Variants in MALT1 observed in about 807,000 individuals in gnomAD.
The protein encoded by MALT1 is mucosa-associated lymphoid tissue lymphoma translocation protein 1.
MALT1 carries 36 observed loss-of-function variants against 85.5 expected under a neutral mutation model. The observed-to-expected ratio is 0.42, with a 90% CI of 0.32 to 0.56. MALT1 has a LOEUF of 0.56. Among genes scored for constraint, MALT1 ranks in the 20% least tolerant of loss-of-function variants. MALT1 has a pLI of 0.10. For missense variants in MALT1, 716 were observed against 981.6 expected, an observed-to-expected ratio of 0.73 and a Z score of 3.62; for synonymous variants, 359 against 361.3, an observed-to-expected ratio of 0.99 and a Z score of 0.07.
At chr18:58,702,619 T>C (rs1371156925) in intron 4 of MALT1, among the ~76,000 whole-genome samples, 1 of 152,218 alleles carries the variant, frequency 6.6e-6, no homozygotes, top group Non-Finnish European at 1.5e-5. Context: ...GAGAAAAAAC[T>C]CTCATATAGT....
In MALT1 at chr18:58,747,930, A is replaced by C; in HGVS notation, c.*88A>C. 1 of 991,644 alleles carries C rather than the reference A, an allele frequency of 1.0e-6. No homozygotes were observed. Among genetic ancestry groups the C allele is most frequent in the South Asian group, 1.5e-5 (1 of 65,022 alleles). The allele number at this position is 991,644 out of a possible 1,614,324, so 61.4% of individuals were successfully genotyped here. On this transcript the variant is annotated 3_prime_UTR_variant, in exon 17 of 17. Transcript: ENST00000649217. The stretch of plus-strand genomic sequence containing the variant: ...AAAGTGAGACATTGTGAAAAGGCAA[A>C]TTTGTATATGTAGAGAAAGAATAGT...
intron 2 of MALT1, among the ~76,000 whole-genome samples, chr18:58,687,141 G>A (rs577989285): frequency 6.6e-6 from 1 of 152,268 alleles, no homozygotes; most frequent in African/African-American, 2.4e-5. Flanking sequence ...ATTTGTAAGG[G>A]ACTTTTCTTA....
intron 11 of MALT1, 95 bp from the exon 12 acceptor site, chr18:58,734,212 A>G: frequency 9.0e-7 from 1 of 1,113,784 alleles, no homozygotes; most frequent in Non-Finnish European, 1.3e-6. Context: ...ATGTATTCTA[A>G]AAAACTGTTG....
rs1488930224 is a variant in MALT1 at position 58,752,445 on chromosome 18, T to A, written c.*4603T>A. On this transcript the variant is annotated 3_prime_UTR_variant, in exon 17 of 17. Coordinates refer to ENST00000649217, the MANE Select transcript of MALT1 (RefSeq NM_006785.4). ...TTACACATTACTTTTGTGCATTTCA[T>A]CCTGTTTCTCAGTTTGACATTGTCA... 2.0e-5 allele frequency: 3 copies of A among 152,182 alleles called. No individual in the cohort carries two copies. The highest frequency in any genetic ancestry group is 7.2e-5 in the African/African-American group (3 of 41,432). 9.4% of individuals were successfully genotyped at this position (152,182 alleles called of 1,614,324 possible).
At chr18:58,700,637 T>A in intron 4 of MALT1, 46 bp downstream of exon 4, 1 of 1,470,966 alleles carries the variant, frequency 6.8e-7, no homozygotes, top group Non-Finnish European at 9.0e-7. Context: ...ATTCCCCATA[T>A]TTTATTTTAT....
At chr18:58,718,233 TTCTC>T (rs2054930966) in intron 9 of MALT1, among the ~76,000 whole-genome samples, 1 of 152,210 alleles carries the variant, frequency 6.6e-6, no homozygotes, top group South Asian at 2.1e-4. Context: ...CAGGTATTCT[TTCTC>T]AAACATGTCC....
intron 10 of MALT1, among the ~76,000 whole-genome samples, chr18:58,731,514 T>A (rs2055148860): frequency 6.6e-6 from 1 of 152,250 alleles, no homozygotes; most frequent in African/African-American, 2.4e-5. Context: ...GCTAGGCTAG[T>A]CTCTTTTCTG....
chr18:58,690,933 G>A, intron 2 of MALT1: 1 of 250,464 alleles, frequency 4.0e-6, no homozygotes, highest in South Asian at 5.4e-5. Context: ...GAGGCCTGCT[G>A]TCTGGTCATT....
At chr18:58,719,970 CAT>C (rs1253884583) in intron 9 of MALT1, among the ~76,000 whole-genome samples, 2 of 152,184 alleles carry the variant, frequency 1.3e-5, no homozygotes, top group African/African-American at 2.4e-5. Context: ...AGAAAAGTAA[CAT>C]AATAATCAGA....
rs775020829 is a variant in MALT1, at chr18:58,715,957, C to T, written c.1008C>T (p.Asp336=). 1.6e-5 allele frequency: 25 copies of T among 1,604,284 alleles called. No homozygotes were observed. The highest frequency in any genetic ancestry group is 2.0e-5 in the Non-Finnish European group (24 of 1,175,162). Residue 336 remains aspartate (D), a synonymous_variant, in exon 9 of 17, where the codon GAC becomes GAT. Transcript: ENST00000649217. The part of the protein sequence containing the change: ...GHPDNKEQTT[D]QPLAKDKVAL... ...TAGATAATAAAGAGCAAACAACTGA[C>T]CAGCCTTTGGGTGAGTAGAACTTTA...
chr18:58,713,167 T>TGGGG (rs2054854671), intron 7 of MALT1, among the ~76,000 whole-genome samples: 1 of 152,134 alleles, frequency 6.6e-6, no homozygotes, highest in South Asian at 2.1e-4. Context: ...ATGTAACATA[T>TGGGG]AAGAATAAAG....
intron 2 of MALT1, among the ~76,000 whole-genome samples, chr18:58,684,948 A>G (rs2054379265): frequency 6.6e-6 from 1 of 152,188 alleles, no homozygotes; most frequent in Non-Finnish European, 1.5e-5. Flanking sequence ...TGTGCTAGGC[A>G]TTATGCTAGG....
rs141163988 is a variant in MALT1 at position 58,742,059 on chromosome 18, G to A, written c.1753+45G>A. The A allele has an allele frequency of 8.2e-4, 1,123 of 1,376,228 alleles. 10 individuals are homozygous for A. The African/African-American group carries it at 0.014, about 17-fold the overall frequency. The allele number at this position is 1,376,228 out of a possible 1,614,324, so 85.3% of individuals were successfully genotyped here. A position where few individuals can be genotyped will look rare whatever the true frequency, so the allele number is the denominator to read the frequency against. On this transcript the variant is annotated intron_variant, in intron 14 of 16. Coordinates refer to ENST00000649217, the MANE Select transcript of MALT1 (RefSeq NM_006785.4). ...TTGTTAGATCTACAATATACTTAAC[G>A]TTAAATCATAAAGTTTCTTCTGAAT...
Position 58,741,871 on chromosome 18 carries a change from G to A in MALT1, c.1610G>A (p.Gly537Asp). 1 of 1,504,264 alleles carries A rather than the reference G, an allele frequency of 6.6e-7. No individual in the cohort carries two copies. The allele number at this position is 1,504,264 out of a possible 1,614,324, so 93.2% of individuals were successfully genotyped here. ...TTATTTTCATATCTTTTAGATATGG[G>A]TAAGTGTCACCTTACCAAAGGCAAA... ...VLLDEVAEDM[G>D]KCHLTKGKQA... Residue 537 changes from glycine (G) to aspartate (D), a missense_variant, in exon 14 of 17, where the codon GGT becomes GAT. By Grantham distance (94) the Gly-to-Asp change is moderately conservative. Transcript: ENST00000649217.
rs771240362 is a variant in MALT1 at position 58,747,470 on chromosome 18, C to A, written c.2103C>A (p.Asp701Glu). Residue 701 changes from aspartate (D) to glutamate (E), a missense_variant, in exon 17 of 17, where the codon GAC becomes GAA. Around this residue, in one of 4 missense-constraint regions of MALT1, gnomAD observed 260 missense variants for 323.7 expected, o/e 0.80. Coordinates refer to ENST00000649217, the MANE Select transcript of MALT1 (RefSeq NM_006785.4). Reference sequence around the variant, plus strand: ...CAGGATTGGAAGATACTGTAGAGGACAAGCAGGAAGTGAATGTTGGGAAAC... The same window carrying A: ...CAGGATTGGAAGATACTGTAGAGGAAAAGCAGGAAGTGAATGTTGGGAAAC... ...QYSGLEDTVEDKQEVNVGKPL... is the reference protein window; with the variant it reads ...QYSGLEDTVEEKQEVNVGKPL... 2 of 1,613,812 alleles carry A rather than the reference C, an allele frequency of 1.2e-6. No homozygotes were observed. Among genetic ancestry groups the A allele is most frequent in the Admixed American group, 3.3e-5 (2 of 60,020 alleles).
intron 10 of MALT1, among the ~76,000 whole-genome samples, chr18:58,723,826 G>A (rs1233924243): frequency 6.6e-6 from 1 of 152,102 alleles, no homozygotes; most frequent in Admixed American, 6.6e-5. Flanking sequence ...AATATTTAAT[G>A]TTTTTTCCCC....
In MALT1 at chr18:58,709,392, G is replaced by A. The variant is rs756127486; in HGVS notation, c.664G>A (p.Val222Ile). 4.1e-5 allele frequency: 65 copies of A among 1,583,156 alleles called. No individual in the cohort carries two copies. In the Admixed American group the frequency reaches 1.1e-3, roughly 26 times the overall value. Residue 222 changes from valine (V) to isoleucine (I), a missense_variant, in exon 5 of 17, where the codon GTC (valine) becomes ATC (isoleucine). Around this residue, in one of 4 missense-constraint regions of MALT1, gnomAD observed 290 missense variants for 380.5 expected, o/e 0.76. Transcript: ENST00000649217. ...TTTAATTTAAGGAAGTGTTGATGGC[G>A]TCTCTGAATCCAAGTTGCAAATCTG... ...PESFQRSVDG[V>I]SESKLQICVE... is the part of the protein sequence containing the mutation.
intron 5 of MALT1, 125 bp downstream of exon 5, chr18:58,709,681 TTTAAAGTCCC>T (rs1353882344): frequency 7.1e-6 from 6 of 841,260 alleles, no homozygotes; most frequent in Non-Finnish European, 1.0e-5. Flanking sequence ...AGTATTTTTA[TTTAAAGTCCC>T]TTATGATTTC....
intron 2 of MALT1, among the ~76,000 whole-genome samples, chr18:58,692,867 C>G (rs1273756079): frequency 1.3e-5 from 2 of 152,154 alleles, no homozygotes; most frequent in Non-Finnish European, 2.9e-5. Context: ...GCAAAACAGC[C>G]TTATTGCTGA....
Sources: allele counts gnomAD v4.1 joint callset (sites outside exome capture counted in the v4.1 genomes callset), GRCh38; gene constraint gnomAD v4.1.1; regional missense constraint gnomAD v4.1.1; transcripts MANE v1.5; gene names NCBI Gene and HGNC (gene_info 2026-07-23, HGNC 2026-07-21).